POLN: variants seen among roughly 807,000 people sequenced by gnomAD.
POLN encodes the protein DNA polymerase nu.
POLN carries 108 observed loss-of-function variants against 113.5 expected under a neutral mutation model. That is an observed-to-expected ratio of 0.95 (90% CI 0.81 to 1.12). The LOEUF (loss-of-function observed/expected upper bound fraction) is 1.12. Ranked by LOEUF, POLN falls within the 50% of genes most tolerant of loss-of-function variation. The pLI is 0.00. For synonymous variants in POLN, 386 were observed against 391.5 expected (o/e 0.99, Z 0.17); for missense variants, 1,097 against 1,077.1 (o/e 1.02, Z -0.26).
intron 7 of POLN, among the ~76,000 whole-genome samples, chr4:2,179,701 C>G (rs1009037217): frequency 6.6e-6 from 1 of 152,172 alleles, no homozygotes; most frequent in African/African-American, 2.4e-5. Context: ...ATTAAAGAGG[C>G]AGATTTCAAG....
chr4:2,080,170 C>T (rs1406061433), intron 23 of POLN: 3 of 986,212 alleles, frequency 3.0e-6, no homozygotes, highest in African/African-American at 3.5e-5. Context: ...GGATCCCGCA[C>T]AAGGAGAACG....
intron 19 of POLN, among the ~76,000 whole-genome samples, chr4:2,108,142 C>G (rs1731112369): frequency 6.6e-6 from 1 of 152,178 alleles, no homozygotes; most frequent in Non-Finnish European, 1.5e-5. Context: ...CCTTCTCTTT[C>G]CGGCCAGGGC....
At chr4:2,153,479 G>T (rs1293232961) in intron 16 of POLN, among the ~76,000 whole-genome samples, 1 of 152,090 alleles carries the variant, frequency 6.6e-6, no homozygotes, top group Non-Finnish European at 1.5e-5. Context: ...TTACCAAAAT[G>T]TTAAAGATGG....
At chr4:2,205,950 C>T (rs1733832748) in intron 5 of POLN, among the ~76,000 whole-genome samples, 1 of 151,344 alleles carries the variant, frequency 6.6e-6, no homozygotes, top group Non-Finnish European at 1.5e-5. Flanking sequence ...CAAAGCAAGA[C>T]TAAGCAAAAA....
intron 7 of POLN, among the ~76,000 whole-genome samples, chr4:2,190,983 T>C (rs748981871): frequency 2.0e-5 from 3 of 152,130 alleles, no homozygotes; most frequent in Non-Finnish European, 2.9e-5. Context: ...AAAAACGAAA[T>C]AGAACTACCA....
chr4:2,174,650 C>A (rs761655845), intron 10 of POLN, 41 bp downstream of exon 10: 1 of 1,505,254 alleles, frequency 6.6e-7, no homozygotes, highest in South Asian at 1.1e-5. Flanking sequence ...ATGAAGAACC[C>A]TCTAGAAAAA....
At chr4:2,212,533 C>T (rs954715585) in intron 4 of POLN, among the ~76,000 whole-genome samples, 4 of 151,612 alleles carry the variant, frequency 2.6e-5, no homozygotes, top group African/African-American at 7.3e-5. Context: ...TGCCACCATG[C>T]CCAGTTAATT....
At chr4:2,180,016 T>C (rs985709480) in intron 7 of POLN, among the ~76,000 whole-genome samples, 2 of 152,178 alleles carry the variant, frequency 1.3e-5, no homozygotes, top group African/African-American at 2.4e-5. Context: ...CAAAGATACT[T>C]TGGCATTCTC....
At chr4:2,184,969 TAATC>T (rs1733234616) in intron 7 of POLN, among the ~76,000 whole-genome samples, 1 of 152,098 alleles carries the variant, frequency 6.6e-6, no homozygotes, top group Non-Finnish European at 1.5e-5. Flanking sequence ...TAAAGGAAAA[TAATC>T]AAATTTTATC....
intron 7 of POLN, among the ~76,000 whole-genome samples, chr4:2,186,325 T>C (rs995686736): frequency 6.6e-6 from 1 of 152,122 alleles, no homozygotes; most frequent in Non-Finnish European, 1.5e-5. Flanking sequence ...TGGTAGAGAC[T>C]AGCAGACACT....
chr4:2,187,093 A>G (rs1021811649), intron 7 of POLN, among the ~76,000 whole-genome samples: 2 of 152,182 alleles, frequency 1.3e-5, no homozygotes, highest in East Asian at 1.9e-4. Context: ...GAGAAGAGAA[A>G]AGAAGGACAC....
At chr4:2,089,675 C>T (rs1207028072) in intron 20 of POLN, 2 of 708,404 alleles carry the variant, frequency 2.8e-6, no homozygotes, top group Non-Finnish European at 2.4e-6. Context: ...CTGTCCTGTA[C>T]TGGAATGTTT....
At chr4:2,111,443 T>A (rs918819639) in intron 19 of POLN, among the ~76,000 whole-genome samples, 2 of 152,150 alleles carry the variant, frequency 1.3e-5, no homozygotes, top group African/African-American at 4.8e-5. Flanking sequence ...AAAGAGGAAG[T>A]CAAATTGCCC....
intron 16 of POLN, among the ~76,000 whole-genome samples, chr4:2,133,510 C>T (rs553366090): frequency 5.9e-5 from 9 of 152,144 alleles, no homozygotes; most frequent in African/African-American, 9.7e-5. Flanking sequence ...TCCTGTCATT[C>T]GCAGCAACAT....
chr4:2,107,355 C>A (rs886717091), intron 19 of POLN, among the ~76,000 whole-genome samples: 1 of 152,200 alleles, frequency 6.6e-6, no homozygotes, highest in Admixed American at 6.5e-5. Context: ...AGTAACCATA[C>A]ATACTAGCAG....
intron 11 of POLN, among the ~76,000 whole-genome samples, chr4:2,172,887 C>G (rs1732898729): frequency 1.3e-5 from 2 of 152,218 alleles, no homozygotes; most frequent in South Asian, 2.1e-4. Flanking sequence ...ACGACTGCCA[C>G]TTGGAAACAA....
intron 19 of POLN, among the ~76,000 whole-genome samples, chr4:2,105,848 G>GAT (rs57147764): frequency 2.3e-4 from 34 of 150,736 alleles, no homozygotes; most frequent in African/African-American, 7.1e-4. Context: ...TGATGATGAT[G>GAT]GTGATGATAA....
At position 2,231,808 on chromosome 4, in the gene POLN, A is replaced by G. The variant is rs1734587935; in HGVS notation, c.-12-2565T>C. The G allele has an allele frequency of 5.0e-6, 3 of 605,768 alleles. 1 individual carries two copies. Among genetic ancestry groups the G allele is most frequent in the Non-Finnish European group, 8.8e-6 (3 of 341,632 alleles). The allele number at this position is 605,768 out of a possible 1,614,324, so 37.5% of individuals were successfully genotyped here. A position where few individuals can be genotyped will look rare whatever the true frequency, so the allele number is the denominator to read the frequency against. On this transcript the variant is annotated intron_variant, in intron 2 of 25. Coordinates refer to ENST00000511885, the MANE Select transcript of POLN (RefSeq NM_181808.4). ...AAAGACAAATTAATATAATAGTTCA[A>G]TTCATCAAATTAAATGTTCCATTGA...
At chr4:2,177,246 T>A in intron 8 of POLN, 1 of 466,412 alleles carries the variant, frequency 2.1e-6, no homozygotes, top group South Asian at 1.6e-5. Flanking sequence ...ATGGCACAGC[T>A]GCACGAGGAG....
Sources: allele counts gnomAD v4.1 joint callset (sites outside exome capture counted in the v4.1 genomes callset), GRCh38; gene constraint gnomAD v4.1.1; transcripts MANE v1.5; gene names NCBI Gene and HGNC (gene_info 2026-07-23, HGNC 2026-07-21).